Variants in PPP2R3B observed in about 807,000 individuals in gnomAD.
The protein encoded by PPP2R3B is serine/threonine-protein phosphatase 2A regulatory subunit B'' subunit beta.
PPP2R3B carries 68 observed loss-of-function variants against 72.9 expected under a neutral mutation model. The ratio of observed to expected loss-of-function variants is 0.93; its 90% CI spans 0.77 to 1.14. The LOEUF is 1.14. Ranked by LOEUF, PPP2R3B falls within the 50% of genes most tolerant of loss-of-function variation. PPP2R3B has a pLI of 0.00. For missense variants in PPP2R3B, 1,018 were observed against 842.0 expected (o/e 1.21, Z -2.59); for synonymous variants, 466 against 375.8 (o/e 1.24, Z -2.78).
chrX:374,666 C>T (rs990193900), intron 1 of PPP2R3B, among the ~76,000 whole-genome samples: 4 of 152,176 alleles, frequency 2.6e-5, no homozygotes, highest in African/African-American at 9.7e-5. Flanking sequence ...TGAACGCTGT[C>T]AGCAGAAAGC....
At chrX:352,292 G>A (rs1421806255) in intron 2 of PPP2R3B, among the ~76,000 whole-genome samples, 7 of 152,352 alleles carry the variant, frequency 4.6e-5, no homozygotes, top group Admixed American at 3.9e-4. Context: ...TGTGGGGCCC[G>A]GCAACGCGGC....
intron 7 of PPP2R3B, 162 bp downstream of exon 7, chrX:345,351 GGAA>G: frequency 1.0e-6 from 1 of 1,000,436 alleles, no homozygotes; most frequent in Non-Finnish European, 1.5e-6. Flanking sequence ...CAGCGACTGG[GGAA>G]GGAGAGGCAG....
At chrX:380,951 TTA>T in intron 1 of PPP2R3B, among the ~76,000 whole-genome samples, 1 of 151,880 alleles carries the variant, frequency 6.6e-6, no homozygotes, top group Admixed American at 6.6e-5. Context: ...TTTTTTTTTT[TTA>T]GAGACAGAGT....
chrX:343,780 G>GGAGGGAGACCTCAGCAACGGGAGGC (rs2071127915), intron 7 of PPP2R3B, among the ~76,000 whole-genome samples: 2 of 16,204 alleles, frequency 1.2e-4, no homozygotes, highest in Non-Finnish European at 2.7e-4. Flanking sequence ...AACGGGAGGG[G>GGAGGGAGACCTCAGCAACGGGAGGC]GGGAGGGAGA....
intron 9 of PPP2R3B, 138 bp downstream of exon 9, chrX:341,169 C>T: frequency 1.2e-6 from 1 of 802,232 alleles, no homozygotes. Context: ...TGCCGTGCAG[C>T]CCCCACCGGG....
At chrX:374,034 G>A (rs1249884620) in intron 1 of PPP2R3B, 1 of 152,512 alleles carries the variant, frequency 6.6e-6, no homozygotes, top group Non-Finnish European at 1.5e-5. Flanking sequence ...TCTGCACCGC[G>A]GCAGCCGTCA....
chrX:374,012 A>G (rs1375289762), intron 1 of PPP2R3B: 2 of 152,428 alleles, frequency 1.3e-5, no homozygotes, highest in Non-Finnish European at 2.9e-5. Flanking sequence ...CCGGCCGGGC[A>G]AGGGGGCGCT....
chrX:369,627 G>A (rs2071811573), intron 1 of PPP2R3B, among the ~76,000 whole-genome samples: 1 of 152,200 alleles, frequency 6.6e-6, no homozygotes, highest in Admixed American at 6.5e-5. Context: ...CGTGCACCGT[G>A]ACACATCCTC....
chrX:374,309 G>A (rs1412296711), intron 1 of PPP2R3B, among the ~76,000 whole-genome samples: 1 of 152,316 alleles, frequency 6.6e-6, no homozygotes, highest in East Asian at 1.9e-4. Context: ...GGCACGCCAG[G>A]TGCAGCTGCG....
intron 1 of PPP2R3B, among the ~76,000 whole-genome samples, chrX:382,996 T>A (rs973421091): frequency 6.6e-6 from 1 of 152,086 alleles, no homozygotes; most frequent in Non-Finnish European, 1.5e-5. Context: ...GGGCAAGAGT[T>A]CCTAAGGTGC....
At chrX:344,417 C>T (rs1267860005) in intron 7 of PPP2R3B, among the ~76,000 whole-genome samples, 4 of 152,248 alleles carry the variant, frequency 2.6e-5, no homozygotes, top group Non-Finnish European at 5.9e-5. Context: ...GCCATCCCTG[C>T]GGTCACCGGT....
chrX:356,761 C>G (rs924418265), intron 2 of PPP2R3B, among the ~76,000 whole-genome samples: 5 of 139,912 alleles, frequency 3.6e-5, no homozygotes. Flanking sequence ...AGAAAAGAAA[C>G]TGCCCATACG....
intron 2 of PPP2R3B, among the ~76,000 whole-genome samples, chrX:359,349 T>G (rs2071498090): frequency 1.3e-5 from 2 of 152,216 alleles, no homozygotes; most frequent in South Asian, 4.1e-4. Flanking sequence ...CGAGTGAGTC[T>G]GCCAGGGCAC....
At chrX:379,688 G>A (rs1362085418) in intron 1 of PPP2R3B, among the ~76,000 whole-genome samples, 1 of 152,230 alleles carries the variant, frequency 6.6e-6, no homozygotes, top group African/African-American at 2.4e-5. Context: ...AGTACACAAC[G>A]TTGCTGAACA....
intron 2 of PPP2R3B, among the ~76,000 whole-genome samples, chrX:356,833 C>CAGTATCAACACCCTGCCAGCCCCAT (rs753209150): frequency 7.6e-6 from 1 of 131,548 alleles, no homozygotes; most frequent in African/African-American, 2.6e-5. Flanking sequence ...GGGAGCCCCA[C>CAGTATCAACACCCTGCCAGCCCCAT]GGTAACCACG....
At chrX:340,700 C>T (rs755945151) in intron 10 of PPP2R3B, 65 bp downstream of exon 10, 17 of 1,584,060 alleles carry the variant, frequency 1.1e-5, no homozygotes, top group Non-Finnish European at 1.5e-5. Flanking sequence ...TCCGTCCCCT[C>T]ACCCTGGGCC....
rs1457318134 is a variant in PPP2R3B at position 347,592 on chromosome X, T to G, written c.612A>C (p.Arg204Ser). The stretch of plus-strand genomic sequence containing the variant: ...CCCCTGCCCAGCCCAGGACTCACTT[T>G]CTCCACATGGCGACGAACTTGTGGA... The part of the protein sequence containing the change: ...VSVHKFVAMW[R>S]KILQNCHDDA... The change falls in exon 3 of 13, where the codon AGA becomes AGC. Residue 204 changes from arginine (R) to serine (S), a missense_variant and splice_region_variant. By Grantham distance (110) the Arg-to-Ser change is moderately radical. Coordinates refer to ENST00000390665, the MANE Select transcript of PPP2R3B (RefSeq NM_013239.5). 1.3e-6 allele frequency: 2 copies of G among 1,574,312 alleles called. No individual in the cohort carries two copies. The highest frequency in any genetic ancestry group is 1.7e-6 in the Non-Finnish European group (2 of 1,159,478).
Position 347,694 on chromosome X carries a change from C to CT in PPP2R3B, c.511-2dup. On this transcript the variant is annotated splice_acceptor_variant, in intron 2 of 12. Transcript: ENST00000390665. LOFTEE classifies it high-confidence loss of function. ...TCCAGTAGAGGGGGCAGCCGCAGGC[C>CT]TGGGGCAGAGAGGGCAGGAGTGGGC... 1 of 1,533,392 alleles carries CT rather than the reference C, an allele frequency of 6.5e-7. No individual in the cohort carries two copies. The highest frequency in any genetic ancestry group is 8.8e-7 in the Non-Finnish European group (1 of 1,142,378). 95.0% of individuals were successfully genotyped at this position (1,533,392 alleles called of 1,614,324 possible).
In PPP2R3B at chrX:383,603, C is replaced by T. The variant is rs773877181; in HGVS notation, c.324+2765G>A. Among the ~76,000 whole-genome samples, 4 of 151,568 alleles carry T rather than the reference C, an allele frequency of 2.6e-5. No homozygotes were observed. In the East Asian group the frequency reaches 5.8e-4, roughly 22 times the overall value. ...CTGTAATCCCAAAACTTTGGGAGGC[C>T]GAGGCGGGCGGATCACGAGGTCAGG... is the stretch of plus-strand genomic sequence containing the variant. On this transcript the variant is annotated intron_variant, in intron 1 of 12. Transcript: ENST00000390665.
Sources: allele counts gnomAD v4.1 joint callset (sites outside exome capture counted in the v4.1 genomes callset), GRCh38; gene constraint gnomAD v4.1.1; transcripts MANE v1.5; gene names NCBI Gene and HGNC (gene_info 2026-07-23, HGNC 2026-07-21).